The following SLAMF7 variants were observed in gnomAD, a reference collection of about 807,000 sequenced individuals.
The protein encoded by SLAMF7 is SLAM family member 7, also known as 19A24 protein.
Under a neutral mutation model 34.1 loss-of-function variants are expected in SLAMF7, and 26 were observed. That is an observed-to-expected ratio of 0.76 (90% CI 0.56 to 1.06). The LOEUF (loss-of-function observed/expected upper bound fraction) is 1.06, where lower values mean the gene tolerates loss of function less well. Among genes scored for constraint, SLAMF7 ranks in the 50% least tolerant of loss-of-function variants. The pLI is 0.00. For missense variants in SLAMF7, 399 were observed against 402.5 expected (o/e 0.99, Z 0.07); for synonymous variants, 171 against 156.4 (o/e 1.09, Z -0.70).
intron 1 of SLAMF7, among the ~76,000 whole-genome samples, chr1:160,746,181 T>A (rs113509195): frequency 4.1e-4 from 62 of 152,282 alleles, no homozygotes; most frequent in African/African-American, 1.4e-3. Flanking sequence ...TCTTTTAAAA[T>A]CAGAAGAGAA....
chr1:160,746,632 A>T (rs1664152432), intron 1 of SLAMF7, among the ~76,000 whole-genome samples: 1 of 152,262 alleles, frequency 6.6e-6, no homozygotes, highest in Non-Finnish European at 1.5e-5. Context: ...AATACAGCAT[A>T]GGGTAATTGA....
chr1:160,745,556 T>C (rs556316020), intron 1 of SLAMF7, among the ~76,000 whole-genome samples: 16 of 152,246 alleles, frequency 1.1e-4, no homozygotes, highest in African/African-American at 3.9e-4. Context: ...AATTTTCTCA[T>C]GAAGTCAGGA....
In SLAMF7 at chr1:160,753,136, C is replaced by T. The variant is rs1664770179; in HGVS notation, c.967C>T (p.Pro323Ser). The T allele has an allele frequency of 1.2e-6, 2 of 1,613,584 alleles. No homozygotes were observed. The highest frequency in any genetic ancestry group is 1.7e-6 in the Non-Finnish European group (2 of 1,179,948). ...MENPHSLLTMPDTPRLFAYEN... is the reference protein window; with the variant it reads ...MENPHSLLTMSDTPRLFAYEN... The stretch of plus-strand genomic sequence containing the variant: ...AAATCCCCACTCACTGCTCACGATG[C>T]CAGACACACCAAGGCTATTTGCCTA... Residue 323 changes from proline to serine, a missense_variant, in exon 7 of 7, where the codon CCA becomes TCA. Coordinates refer to ENST00000368043, the MANE Select transcript of SLAMF7 (RefSeq NM_021181.5).
Position 160,750,321 on chromosome 1 carries a change from G to A in SLAMF7, c.667G>A (p.Asp223Asn). The A allele has an allele frequency of 6.2e-7, 1 of 1,614,056 alleles. No individual in the cohort carries two copies. The highest frequency in any genetic ancestry group is 8.5e-7 in the Non-Finnish European group (1 of 1,179,928). The change falls in exon 4 of 7, where the codon GAT becomes AAT. Residue 223 changes from aspartate to asparagine, a missense_variant. Asp to Asn is a conservative substitution (Grantham distance 23). Coordinates refer to ENST00000368043, the MANE Select transcript of SLAMF7 (RefSeq NM_021181.5). ...CTCTGAAGGTGCTGCTGATGACCCA[G>A]ATTCCTCCATGGTCCTCCTGTGTCT... Reference protein sequence around the residue: ...KLCEGAADDPDSSMVLLCLLL... With the variant: ...KLCEGAADDPNSSMVLLCLLL...
intron 1 of SLAMF7, among the ~76,000 whole-genome samples, chr1:160,744,971 A>G (rs1017069866): frequency 6.6e-6 from 1 of 152,238 alleles, no homozygotes; most frequent in Admixed American, 6.5e-5. Context: ...TTAAGGAAGC[A>G]TAGAGAACAG....
chr1:160,751,562 G>C (rs1353752806), intron 5 of SLAMF7, 114 bp downstream of exon 5: 3 of 791,284 alleles, frequency 3.8e-6, no homozygotes, highest in Admixed American at 4.3e-5. Flanking sequence ...AGGATATATA[G>C]ACTTAAAACT....
intron 1 of SLAMF7, among the ~76,000 whole-genome samples, chr1:160,741,333 G>A (rs1558051822): frequency 1.3e-5 from 2 of 152,196 alleles, no homozygotes; most frequent in East Asian, 3.8e-4. Context: ...AAACAAGGAA[G>A]AGGGGGCAGG....
chr1:160,749,729 A>G (rs1483063408), intron 2 of SLAMF7, 92 bp from the exon 3 acceptor site: 2 of 1,142,708 alleles, frequency 1.8e-6, no homozygotes, highest in Non-Finnish European at 2.5e-6. Context: ...TGGAGCTCCC[A>G]GGGAGATTCA....
In SLAMF7 at chr1:160,748,259, C is replaced by G. The variant is rs1664288014; in HGVS notation, c.121C>G (p.Leu41Val). The G allele has an allele frequency of 6.2e-7, 1 of 1,614,066 alleles. No homozygotes were observed. Among genetic ancestry groups the G allele is most frequent in the Non-Finnish European group, 8.5e-7 (1 of 1,179,956 alleles). Residue 41 changes from leucine to valine, a missense_variant, in exon 2 of 7, where the codon CTG becomes GTG. Transcript: ENST00000368043. ...CGTTGGTGGGGCCGTGACTTTCCCC[C>G]TGAAGTCCAAAGTAAAGCAAGTTGA... ...GSVGGAVTFP[L>V]KSKVKQVDSI...
chr1:160,750,238 A>G lies in SLAMF7; in HGVS notation c.650-66A>G. On this transcript the variant is annotated intron_variant, in intron 3 of 6. Coordinates refer to ENST00000368043, the MANE Select transcript of SLAMF7 (RefSeq NM_021181.5). ...CTGGGAGGAAGGTGGCAGGTGCTCC[A>G]AGACCTGGGTCGTTTTCCTGAGCTG... 6.9e-6 allele frequency: 11 copies of G among 1,593,332 alleles called. No homozygotes were observed. The South Asian group carries it at 1.3e-4, about 18-fold the overall frequency.
At chr1:160,748,838 T>C (rs933405383) in intron 2 of SLAMF7, among the ~76,000 whole-genome samples, 8 of 152,204 alleles carry the variant, frequency 5.3e-5, no homozygotes, top group African/African-American at 1.9e-4. Context: ...ATATCTGTAG[T>C]GGGGAGGAAA....
At position 160,748,386 on chromosome 1, in the gene SLAMF7, T is replaced by C; in HGVS notation, c.248T>C (p.Phe83Ser). The C allele has an allele frequency of 6.2e-7, 1 of 1,613,934 alleles. No individual in the cohort carries two copies. Among genetic ancestry groups the C allele is most frequent in the Non-Finnish European group, 8.5e-7 (1 of 1,179,926 alleles). ...AATCGTAATAGGGAGAGAGTAGACT[T>C]CCCAGATGGAGGCTACTCCCTGAAG... ...TQNRNRERVD[F>S]PDGGYSLKLS... The change falls in exon 2 of 7, where the codon TTC becomes TCC. Residue 83 changes from phenylalanine to serine, a missense_variant. By Grantham distance (155) the Phe-to-Ser change is radical. Transcript: ENST00000368043.
At chr1:160,740,326 G>A (rs921480988) in intron 1 of SLAMF7, among the ~76,000 whole-genome samples, 7 of 151,796 alleles carry the variant, frequency 4.6e-5, no homozygotes, top group Non-Finnish European at 8.8e-5. Flanking sequence ...CGGAAATGAT[G>A]AGCAGAAATA....
At chr1:160,739,170 T>A (rs1012358963), upstream of SLAMF7, 1 of 805,574 alleles carries the variant, frequency 1.2e-6, no homozygotes, top group Non-Finnish European at 2.2e-6. Context: ...GAAAATAATT[T>A]AGCAATTACT....
intron 1 of SLAMF7, among the ~76,000 whole-genome samples, chr1:160,744,670 C>T (rs1192673296): frequency 1.3e-5 from 2 of 152,176 alleles, no homozygotes; most frequent in African/African-American, 4.8e-5. Context: ...TTTGCCACTT[C>T]CTCACCTTAA....
chr1:160,743,439 A>C (rs556717282), intron 1 of SLAMF7, among the ~76,000 whole-genome samples: 70 of 152,300 alleles, frequency 4.6e-4, no homozygotes, highest in African/African-American at 1.7e-3. Flanking sequence ...ACAGCAATAC[A>C]TTGTCATCCT....
In SLAMF7 at chr1:160,750,320, A is replaced by C. The variant is rs572472703; in HGVS notation, c.666A>C (p.Pro222=). 3.0e-5 allele frequency: 48 copies of C among 1,614,032 alleles called. No homozygotes were observed. In the South Asian group the frequency reaches 4.7e-4, roughly 16 times the overall value. The change falls in exon 4 of 7, where the codon CCA becomes CCC. Residue 222 remains proline, a synonymous_variant. Transcript: ENST00000368043. ...RKLCEGAADD[P]DSSMVLLCLL... is the part of the protein sequence containing the mutation. ...TCTCTGAAGGTGCTGCTGATGACCC[A>C]GATTCCTCCATGGTCCTCCTGTGTC...
At chr1:160,750,482 C>G in intron 4 of SLAMF7, 59 bp downstream of exon 4, 1 of 1,581,504 alleles carries the variant, frequency 6.3e-7, no homozygotes, top group Non-Finnish European at 8.6e-7. Flanking sequence ...TTCACTGATT[C>G]AACAAGCACA....
chr1:160,745,617 A>G (rs1664063827), intron 1 of SLAMF7, among the ~76,000 whole-genome samples: 1 of 152,240 alleles, frequency 6.6e-6, no homozygotes, highest in African/African-American at 2.4e-5. Flanking sequence ...TTTAGGCTTT[A>G]CAGACAATAA....
Sources: allele counts gnomAD v4.1 joint callset (sites outside exome capture counted in the v4.1 genomes callset), GRCh38; gene constraint gnomAD v4.1.1; transcripts MANE v1.5; gene names NCBI Gene and HGNC (gene_info 2026-07-23, HGNC 2026-07-21).